ARNT: variants seen among roughly 807,000 people sequenced by gnomAD.
ARNT encodes aryl hydrocarbon receptor nuclear translocator, also known as class E basic helix-loop-helix protein 2.
In ARNT, 30 loss-of-function variants were observed where a neutral mutation model predicts 105.0. The ratio of observed to expected loss-of-function variants is 0.29; its 90% confidence interval spans 0.21 to 0.39. The LOEUF is 0.39. ARNT is among the 10% of genes least tolerant of loss of function. ARNT has a pLI of 1.00. For missense variants in ARNT, 748 were observed against 978.7 expected (o/e 0.76, Z 3.15); for synonymous variants, 304 against 344.0 (o/e 0.88, Z 1.29).
intron 1 of ARNT, 88 bp downstream of exon 1, chr1:150,876,455 G>A: frequency 2.0e-6 from 3 of 1,491,144 alleles, no homozygotes; most frequent in Non-Finnish European, 1.8e-6. Flanking sequence ...TTCAGCTCCA[G>A]CTGCGTCCCC....
rs745601404 is a variant in ARNT at position 150,812,049 on chromosome 1, A to G, written c.2342T>C (p.Leu781Pro). The G allele has an allele frequency of 1.9e-6, 3 of 1,571,002 alleles. No individual in the cohort carries two copies. The highest frequency in any genetic ancestry group is 3.6e-5 in the Admixed American group (2 of 55,786). ...TTCTGAAAAGGGGGGAAACATAGTT[A>G]GATCAGGGAATTCTTCATTGTTGTA... ...NSYNNEEFPD[L>P]TMFPPFSE Residue 781 changes from leucine to proline, a missense_variant, in exon 22 of 22, where the codon CTA (leucine) becomes CCA (proline). Around this residue, in one of 4 missense-constraint regions of ARNT, gnomAD observed 360 missense variants for 411.9 expected, o/e 0.87. Coordinates refer to ENST00000358595, the MANE Select transcript of ARNT (RefSeq NM_001668.4).
chr1:150,841,805 G>T (rs1661346983), intron 5 of ARNT, among the ~76,000 whole-genome samples: 1 of 152,140 alleles, frequency 6.6e-6, no homozygotes, highest in African/African-American at 2.4e-5. Context: ...CAAACATAAA[G>T]CACTCATCTT....
chr1:150,824,605 C>T (rs768709280), intron 13 of ARNT, among the ~76,000 whole-genome samples: 4 of 151,676 alleles, frequency 2.6e-5, no homozygotes, highest in African/African-American at 9.7e-5. Flanking sequence ...GAGGCGTGCA[C>T]CATCACGCCC....
chr1:150,851,247 C>T (rs1405196020), intron 3 of ARNT, among the ~76,000 whole-genome samples: 26 of 144,594 alleles, frequency 1.8e-4, no homozygotes, highest in African/African-American at 5.6e-4. Context: ...GTGGTGGGGG[C>T]GCCTCCGCCC....
intron 1 of ARNT, among the ~76,000 whole-genome samples, chr1:150,871,058 T>G (rs1667344415): frequency 6.6e-6 from 1 of 151,950 alleles, no homozygotes; most frequent in Admixed American, 6.6e-5. Context: ...TTATGAAAAG[T>G]GACATAAATT....
intron 1 of ARNT, among the ~76,000 whole-genome samples, chr1:150,863,991 A>G (rs1666110524): frequency 6.6e-6 from 1 of 152,208 alleles, no homozygotes; most frequent in African/African-American, 2.4e-5. Flanking sequence ...GTATACTTAC[A>G]CAAATCTAGA....
intron 4 of ARNT, 111 bp downstream of exon 4, chr1:150,846,148 TAAAC>T (rs1662161300): frequency 1.2e-6 from 1 of 811,124 alleles, no homozygotes; most frequent in African/African-American, 1.7e-5. Context: ...GGAAAGATAT[TAAAC>T]AGAGAAATTC....
intron 2 of ARNT, among the ~76,000 whole-genome samples, chr1:150,857,732 T>A (rs936776993): frequency 1.3e-5 from 2 of 152,144 alleles, no homozygotes; most frequent in Non-Finnish European, 2.9e-5. Flanking sequence ...CAGAAAAACA[T>A]AGTATCAAAT....
chr1:150,824,077 G>A (rs587696934), intron 13 of ARNT, among the ~76,000 whole-genome samples: 54 of 151,654 alleles, frequency 3.6e-4, no homozygotes, highest in African/African-American at 1.2e-3. Flanking sequence ...TCCCGACCTC[G>A]GGATCCGCCT....
intron 1 of ARNT, among the ~76,000 whole-genome samples, chr1:150,873,973 A>G (rs1571560955): frequency 6.7e-6 from 1 of 149,840 alleles, no homozygotes; most frequent in East Asian, 2.0e-4. Flanking sequence ...TGAAGGTTAA[A>G]GAGTGAAATA....
chr1:150,822,600 C>T, intron 14 of ARNT, among the ~76,000 whole-genome samples: 1 of 152,130 alleles, frequency 6.6e-6, no homozygotes, highest in East Asian at 1.9e-4. Flanking sequence ...CCTTACCTTG[C>T]CCTATCTATC....
In ARNT at chr1:150,815,944, T is replaced by C. The variant is rs143136687; in HGVS notation, c.1950+315A>G. Among the ~76,000 whole-genome samples the C allele has an allele frequency of 2.0e-4, 30 of 152,130 alleles. No homozygotes were observed. The East Asian group carries it at 5.4e-3, about 27-fold the overall frequency. ...GTTAGTCATTAATTTTCTCCTTTGC[T>C]CCTGCCTTATGGAGTCCTAAACAAA... On this transcript the variant is annotated intron_variant, in intron 19 of 21. Transcript: ENST00000358595.
chr1:150,810,702 C>T lies in ARNT; in HGVS notation c.*1319G>A, dbSNP rs763088080. On this transcript the variant is annotated 3_prime_UTR_variant, in exon 22 of 22. Coordinates refer to ENST00000358595, the MANE Select transcript of ARNT (RefSeq NM_001668.4). ...GAAGGTAAAGGGTGAGGGTAGTAAC[C>T]TGTATCCGCATTTATATGGCTATTG... 6.9e-5 allele frequency: 15 copies of T among 218,804 alleles called. No homozygotes were observed. Among genetic ancestry groups the T allele is most frequent in the Non-Finnish European group, 1.2e-4 (13 of 108,916 alleles). The allele number at this position is 218,804 out of a possible 1,614,324, so 13.6% of individuals were successfully genotyped here. A position where few individuals can be genotyped will look rare whatever the true frequency, so the allele number is the denominator to read the frequency against.
chr1:150,869,302 C>T (rs183129374), intron 1 of ARNT, among the ~76,000 whole-genome samples: 176 of 152,098 alleles, frequency 1.2e-3, no homozygotes, highest in Admixed American at 1.8e-3. Flanking sequence ...ACAGTGAAAC[C>T]CCATCTCCAC....
At chr1:150,821,682 T>G (rs900074695) in intron 14 of ARNT, among the ~76,000 whole-genome samples, 3 of 152,150 alleles carry the variant, frequency 2.0e-5, no homozygotes, top group African/African-American at 7.2e-5. Flanking sequence ...GGAGTCTCCC[T>G]CTGTCACCCA....
At chr1:150,839,382 A>C in intron 6 of ARNT, 59 bp downstream of exon 6, 6 of 1,576,232 alleles carry the variant, frequency 3.8e-6, no homozygotes, top group Non-Finnish European at 5.2e-6. Context: ...CAAAAAACGA[A>C]AACTTTCAAG....
intron 11 of ARNT, 86 bp from the exon 12 acceptor site, chr1:150,829,313 C>A: frequency 7.3e-7 from 1 of 1,376,590 alleles, no homozygotes; most frequent in Non-Finnish European, 1.0e-6. Context: ...TTTGCATAGA[C>A]ATAAGATTCC....
At chr1:150,826,816 G>C (rs2101777660) in intron 12 of ARNT, among the ~76,000 whole-genome samples, 199 bp from the exon 13 acceptor site, 1 of 151,932 alleles carries the variant, frequency 6.6e-6, no homozygotes, top group Non-Finnish European at 1.5e-5. Flanking sequence ...GGCTAATTTT[G>C]TATTTTTTTA....
intron 3 of ARNT, 142 bp downstream of exon 3, chr1:150,852,620 T>A: frequency 1.4e-6 from 1 of 704,174 alleles, no homozygotes; most frequent in Non-Finnish European, 2.3e-6. Context: ...CTTAAAAATT[T>A]TCTGAGATAT....
Sources: gnomAD v4.1 joint callset for allele counts (sites outside exome capture counted in the v4.1 genomes callset) on GRCh38, gnomAD v4.1.1 for gene constraint, gnomAD v4.1.1 regional missense constraint, MANE v1.5 for transcripts, NCBI Gene and HGNC (gene_info 2026-07-23, HGNC 2026-07-21) for gene names.